The following GOLGA4 variants were observed in gnomAD, a reference collection of about 807,000 sequenced individuals.
GOLGA4 encodes the protein golgin A4.
GOLGA4 carries 169 observed loss-of-function variants against 265.9 expected under a neutral mutation model. The ratio of observed to expected loss-of-function variants is 0.64; its 90% CI spans 0.56 to 0.72. The LOEUF is 0.72. GOLGA4 is among the 30% of genes least tolerant of loss of function. GOLGA4 has a pLI of 0.00. For synonymous variants in GOLGA4, 923 were observed against 855.8 expected (o/e 1.08, Z -1.37); for missense variants, 2,482 against 2,483.4 (o/e 1.00, Z 0.01).
At chr3:37,269,690 A>G (rs768823137) in intron 2 of GOLGA4, among the ~76,000 whole-genome samples, 1 of 152,092 alleles carries the variant, frequency 6.6e-6, no homozygotes, top group Non-Finnish European at 1.5e-5. Flanking sequence ...ATAGTGACAG[A>G]TCTCTAATTT....
chr3:37,337,871 G>T (rs1281780642), intron 19 of GOLGA4, 137 bp downstream of exon 19: 1 of 593,588 alleles, frequency 1.7e-6, no homozygotes, highest in Non-Finnish European at 3.1e-6. Flanking sequence ...AAATCCAAAG[G>T]TACTAGAGGT....
chr3:37,252,296 T>G (rs976459766), intron 2 of GOLGA4, among the ~76,000 whole-genome samples: 27 of 151,574 alleles, frequency 1.8e-4, no homozygotes, highest in African/African-American at 5.1e-4. Context: ...CCATCCTGAA[T>G]TTTTGGTATT....
intron 1 of GOLGA4, among the ~76,000 whole-genome samples, chr3:37,247,386 G>A (rs1319148219): frequency 6.6e-6 from 1 of 152,190 alleles, no homozygotes; most frequent in Non-Finnish European, 1.5e-5. Context: ...CCTACACAAT[G>A]GAGTTGAGAG....
intron 16 of GOLGA4, among the ~76,000 whole-genome samples, chr3:37,331,587 T>C (rs76124411): frequency 0.014 from 2,107 of 152,356 alleles, 47 homozygotes; most frequent in African/African-American, 0.049. Flanking sequence ...TATTATGTAG[T>C]AGTGTTTTTT....
At chr3:37,340,620 C>T (rs1000832636) in intron 20 of GOLGA4, among the ~76,000 whole-genome samples, 1 of 152,156 alleles carries the variant, frequency 6.6e-6, no homozygotes, top group Non-Finnish European at 1.5e-5. Context: ...TCTCCCACCC[C>T]CCACAGTCCC....
intron 5 of GOLGA4, among the ~76,000 whole-genome samples, chr3:37,291,268 A>G (rs191962003): frequency 2.1e-3 from 321 of 152,180 alleles, no homozygotes; most frequent in Non-Finnish European, 2.3e-3. Context: ...ACACAGGAAT[A>G]CCTGTTTTTT....
chr3:37,250,695 G>C (rs1205816037), intron 1 of GOLGA4: 3 of 152,022 alleles, frequency 2.0e-5, no homozygotes, highest in African/African-American at 7.2e-5. Flanking sequence ...CAAAATTTTG[G>C]TTTTATACTT....
At chr3:37,263,182 C>T (rs912973803) in intron 2 of GOLGA4, among the ~76,000 whole-genome samples, 6 of 152,186 alleles carry the variant, frequency 3.9e-5, no homozygotes, top group African/African-American at 1.4e-4. Flanking sequence ...CTACGATGTT[C>T]AGTACAGTAA....
At chr3:37,246,394 T>G (rs1420933351) in intron 1 of GOLGA4, among the ~76,000 whole-genome samples, 3 of 152,108 alleles carry the variant, frequency 2.0e-5, no homozygotes, top group Admixed American at 6.5e-5. Flanking sequence ...AAAAGAAACA[T>G]CAAGAAGTAA....
chr3:37,297,410 C>A (rs765130183), intron 7 of GOLGA4, among the ~76,000 whole-genome samples: 33 of 152,300 alleles, frequency 2.2e-4, no homozygotes, highest in Non-Finnish European at 3.1e-4. Flanking sequence ...TACCAGAACT[C>A]CTCTCAGAAA....
At chr3:37,246,888 C>T (rs1255303781) in intron 1 of GOLGA4, among the ~76,000 whole-genome samples, 2 of 151,724 alleles carry the variant, frequency 1.3e-5, no homozygotes, top group African/African-American at 4.8e-5. Flanking sequence ...AGAGTGAGAC[C>T]CCAAAATAAT....
intron 22 of GOLGA4, among the ~76,000 whole-genome samples, chr3:37,358,636 G>T (rs984216694): frequency 2.6e-5 from 4 of 152,204 alleles, no homozygotes; most frequent in African/African-American, 9.7e-5. Flanking sequence ...TGCGCTGAGT[G>T]ATAATGTAGG....
intron 2 of GOLGA4, among the ~76,000 whole-genome samples, chr3:37,279,978 C>G (rs955331412): frequency 1.3e-5 from 2 of 151,818 alleles, no homozygotes; most frequent in South Asian, 4.2e-4. Context: ...ATTTCCTGGT[C>G]CCTCAATTGC....
intron 22 of GOLGA4, among the ~76,000 whole-genome samples, chr3:37,360,952 G>C (rs1465643244): frequency 6.6e-6 from 1 of 152,150 alleles, no homozygotes. Context: ...CCGTAATTCA[G>C]CTGGTAAATA....
chr3:37,295,992 A>C (rs1300773608), intron 6 of GOLGA4, 95 bp from the exon 7 acceptor site: 4 of 1,112,104 alleles, frequency 3.6e-6, no homozygotes, highest in Non-Finnish European at 5.4e-6. Context: ...ATTAACAGGG[A>C]ATCCTGGAAC....
chr3:37,333,833 A>C lies in GOLGA4; in HGVS notation c.6193-1220A>C, dbSNP rs73825085. ...TTGTTTTTGCAATTAAGTCTAAGAA[A>C]ATTTCATGACAAGTGGTATTTAAAA... On this transcript the variant is annotated intron_variant, in intron 16 of 23. Transcript: ENST00000361924. Among the ~76,000 whole-genome samples the C allele has an allele frequency of 7.1e-3, 1,085 of 152,292 alleles. 15 individuals carry two copies. The highest frequency in any genetic ancestry group is 0.024 in the African/African-American group (1,018 of 41,558).
At chr3:37,357,654 G>T (rs2097094190) in intron 22 of GOLGA4, among the ~76,000 whole-genome samples, 1 of 152,134 alleles carries the variant, frequency 6.6e-6, no homozygotes, top group African/African-American at 2.4e-5. Flanking sequence ...TAAGAAAGTT[G>T]AAGCAAGAGT....
chr3:37,281,988 C>G lies in GOLGA4; in HGVS notation c.193C>G (p.Leu65Val). The G allele has an allele frequency of 1.2e-6, 2 of 1,613,848 alleles. No homozygotes were observed. The highest frequency in any genetic ancestry group is 1.7e-6 in the Non-Finnish European group (2 of 1,179,780). The part of the protein sequence containing the change: ...SGDTQSFAQK[L>V]QLRVPSVESL... The stretch of plus-strand genomic sequence containing the variant: ...TGACACACAGTCTTTTGCACAGAAG[C>G]TCCAGCTCCGGGTGCCCTCCGTGGA... Residue 65 changes from leucine to valine, a missense_variant, in exon 3 of 24, where the codon CTC (leucine) becomes GTC (valine). Around this residue, in one of 3 missense-constraint regions of GOLGA4, gnomAD observed 1,536 missense variants for 1,483.7 expected, o/e 1.04. Transcript: ENST00000361924.
In GOLGA4 at chr3:37,295,079, TAAAAG is replaced by T; in HGVS notation, c.681+4_681+8del. The T allele has an allele frequency of 6.8e-7, 1 of 1,471,542 alleles. No individual in the cohort carries two copies. The highest frequency in any genetic ancestry group is 9.3e-7 in the Non-Finnish European group (1 of 1,080,660). 91.2% of individuals were successfully genotyped at this position (1,471,542 alleles called of 1,614,324 possible). ...TATATCAGTGTTCTCCAAACTCAGGTAAAAGAGTAAAAGAAAAAGTGTGGAATTTT... is the reference window on the plus strand; with the variant it reads ...TATATCAGTGTTCTCCAAACTCAGGTAGTAAAAGAAAAAGTGTGGAATTTT... On this transcript the variant is annotated splice_donor_5th_base_variant and intron_variant, in intron 6 of 23. Coordinates refer to ENST00000361924, the MANE Select transcript of GOLGA4 (RefSeq NM_002078.5).
Sources: allele counts gnomAD v4.1 joint callset (sites outside exome capture counted in the v4.1 genomes callset), GRCh38; gene constraint gnomAD v4.1.1; regional missense constraint gnomAD v4.1.1; transcripts MANE v1.5; gene names NCBI Gene and HGNC (gene_info 2026-07-23, HGNC 2026-07-21).